SH3D19: variants seen among roughly 807,000 people sequenced by gnomAD.
SH3D19 encodes the protein SH3 domain containing 19, also known as SH3 domain-containing protein 19.
A neutral mutation model predicts 112.1 loss-of-function variants in SH3D19; 58 were observed. The ratio of observed to expected loss-of-function variants is 0.52; its 90% confidence interval spans 0.42 to 0.64. The LOEUF is 0.64. SH3D19 is among the 30% of genes least tolerant of loss of function. SH3D19 has a pLI of 0.00. For synonymous variants in SH3D19, 391 were observed against 448.5 expected, an observed-to-expected ratio of 0.87 and a Z score of 1.62; for missense variants, 1,090 against 1,263.4, an observed-to-expected ratio of 0.86 and a Z score of 2.08.
intron 1 of SH3D19, among the ~76,000 whole-genome samples, chr4:151,290,268 A>G (rs1008820278): frequency 1.3e-5 from 2 of 152,188 alleles, no homozygotes; most frequent in African/African-American, 2.4e-5. Flanking sequence ...TTATAATATA[A>G]TAGCCCAAAT....
chr4:151,223,178 A>G (rs1016204523), intron 2 of SH3D19, among the ~76,000 whole-genome samples: 1 of 151,778 alleles, frequency 6.6e-6, no homozygotes, highest in East Asian at 1.9e-4. Context: ...ATATTTTAAC[A>G]ACTTTTCCCA....
chr4:151,303,928 T>C (rs1728690350), intron 1 of SH3D19, among the ~76,000 whole-genome samples: 1 of 149,452 alleles, frequency 6.7e-6, no homozygotes, highest in Non-Finnish European at 1.5e-5. Flanking sequence ...TATCCCTACC[T>C]TCTCTTGCTC....
chr4:151,271,818 TATA>T (rs1418178566), intron 1 of SH3D19, among the ~76,000 whole-genome samples: 1 of 152,258 alleles, frequency 6.6e-6, no homozygotes, highest in African/African-American at 2.4e-5. Flanking sequence ...GTATTAACTC[TATA>T]ATATCTCATT....
rs1156643677 is a variant in SH3D19 at position 151,176,633 on chromosome 4, T to C, written c.430A>G (p.Thr144Ala). The C allele has an allele frequency of 3.2e-6, 4 of 1,231,798 alleles. No homozygotes were observed. The highest frequency in any genetic ancestry group is 1.6e-5 in the African/African-American group (1 of 64,418). 76.3% of individuals were successfully genotyped at this position (1,231,798 alleles called of 1,614,324 possible). A position where few individuals can be genotyped will look rare whatever the true frequency, so the allele number is the denominator to read the frequency against. ...GCAGCAGCATTATTATTATTTGTAGTATTAACTTGAACTTGGTTGATTTCT... is the reference window on the plus strand; with the variant it reads ...GCAGCAGCATTATTATTATTTGTAGCATTAACTTGAACTTGGTTGATTTCT... ...IKEINQVQVN[T>A]TNNNNAAATP... is the part of the protein sequence containing the mutation. Residue 144 changes from threonine (T) to alanine (A), a missense_variant, in exon 6 of 20, where the codon ACT becomes GCT. Thr to Ala is a moderately conservative substitution (Grantham distance 58, BLOSUM62 0). Coordinates refer to ENST00000604030, the MANE Select transcript of SH3D19 (RefSeq NM_001378122.1).
intron 2 of SH3D19, among the ~76,000 whole-genome samples, chr4:151,215,036 C>A (rs1347428270): frequency 7.0e-6 from 1 of 143,366 alleles, no homozygotes; most frequent in Non-Finnish European, 1.5e-5. Context: ...CCAGACGGGG[C>A]GGCGGGGCAA....
chr4:151,163,396 AAGTTGTATT>A (rs1156896411), intron 8 of SH3D19, among the ~76,000 whole-genome samples: 2 of 152,124 alleles, frequency 1.3e-5, no homozygotes, highest in Non-Finnish European at 2.9e-5. Flanking sequence ...ATTTCTGTAA[AAGTTGTATT>A]ACTTAAAACC....
At chr4:151,146,274 A>T (rs1385472114) in intron 11 of SH3D19, among the ~76,000 whole-genome samples, 3 of 152,176 alleles carry the variant, frequency 2.0e-5, no homozygotes, top group African/African-American at 7.2e-5. Context: ...AAGAGTAAGC[A>T]GTCCTGCTCT....
At chr4:151,227,840 C>A (rs1769243279) in intron 1 of SH3D19, 1 of 985,400 alleles carries the variant, frequency 1.0e-6, no homozygotes, top group Non-Finnish European at 1.2e-6. Context: ...TTTACTTAGG[C>A]ATGTAATAGC....
chr4:151,307,145 A>G (rs1406677429), intron 1 of SH3D19, among the ~76,000 whole-genome samples: 2 of 150,180 alleles, frequency 1.3e-5, no homozygotes, highest in African/African-American at 2.4e-5. Context: ...CAGCCTCCCA[A>G]GTAGCTGGGA....
At chr4:151,235,042 AC>A (rs2149960638) in intron 1 of SH3D19, among the ~76,000 whole-genome samples, 1 of 151,756 alleles carries the variant, frequency 6.6e-6, no homozygotes, top group Admixed American at 6.6e-5. Flanking sequence ...GAGCCATCAC[AC>A]CCAGCCTCCA....
At chr4:151,282,976 C>T in intron 1 of SH3D19, 2 of 641,984 alleles carry the variant, frequency 3.1e-6, no homozygotes, top group Non-Finnish European at 5.3e-6. Context: ...CCAAAAGATC[C>T]ACCCATAAGC....
At chr4:151,266,372 T>A (rs1361069480) in intron 1 of SH3D19, 2 of 152,206 alleles carry the variant, frequency 1.3e-5, no homozygotes, top group African/African-American at 4.8e-5. Flanking sequence ...TATAGAAAAG[T>A]GGTCTTTCAG....
At chr4:151,243,490 A>C (rs940253975) in intron 1 of SH3D19, among the ~76,000 whole-genome samples, 2 of 152,266 alleles carry the variant, frequency 1.3e-5, no homozygotes, top group Admixed American at 6.5e-5. Flanking sequence ...CCTGTCTCTT[A>C]CATGTCAGGA....
chr4:151,178,451 T>C (rs1760296961), intron 4 of SH3D19, among the ~76,000 whole-genome samples: 1 of 152,222 alleles, frequency 6.6e-6, no homozygotes, highest in Non-Finnish European at 1.5e-5. Flanking sequence ...ATTGATAAAA[T>C]TTGAACTGTA....
chr4:151,193,272 T>G (rs1002521934), intron 2 of SH3D19, among the ~76,000 whole-genome samples: 2 of 151,742 alleles, frequency 1.3e-5, no homozygotes, highest in East Asian at 3.8e-4. Context: ...ATAGGTTTGT[T>G]TTTTTTTTTA....
chr4:151,232,566 C>T (rs774814241), intron 1 of SH3D19, among the ~76,000 whole-genome samples: 2 of 152,202 alleles, frequency 1.3e-5, no homozygotes, highest in Non-Finnish European at 2.9e-5. Context: ...CACTTAACCT[C>T]CCTAAGCCTC....
intron 1 of SH3D19, among the ~76,000 whole-genome samples, chr4:151,243,159 T>C (rs1309885625): frequency 6.6e-6 from 1 of 152,224 alleles, no homozygotes; most frequent in Admixed American, 6.5e-5. Context: ...TATCCCTGGT[T>C]ATCTGTCCTC....
chr4:151,232,294 A>G (rs1769673933), intron 1 of SH3D19, among the ~76,000 whole-genome samples: 1 of 151,936 alleles, frequency 6.6e-6, no homozygotes, highest in Non-Finnish European at 1.5e-5. Flanking sequence ...AATTGTCTGG[A>G]CTCTTATGTC....
chr4:151,316,065 C>T (rs748159568), intron 1 of SH3D19, among the ~76,000 whole-genome samples: 1 of 152,138 alleles, frequency 6.6e-6, no homozygotes, highest in Admixed American at 6.5e-5. Context: ...AGAAACTTCA[C>T]AAGCACTACC....
Sources: allele counts gnomAD v4.1 joint callset (sites outside exome capture counted in the v4.1 genomes callset), GRCh38; gene constraint gnomAD v4.1.1; transcripts MANE v1.5; gene names NCBI Gene and HGNC (gene_info 2026-07-23, HGNC 2026-07-21).